Variants in CLVS1 observed in about 807,000 individuals in gnomAD.
The protein encoded by CLVS1 is clavesin 1, also known as clavesin-1.
In CLVS1, 10 loss-of-function variants were observed where a neutral mutation model predicts 33.1. That is an observed-to-expected ratio of 0.30 (90% CI 0.19 to 0.51). CLVS1 has a LOEUF of 0.51. CLVS1 is among the 20% of genes least tolerant of loss of function. The pLI, the probability that CLVS1 is intolerant of heterozygous loss-of-function variation, is 0.97. For missense variants in CLVS1, 343 were observed against 433.4 expected, an observed-to-expected ratio of 0.79 and a Z score of 1.85; for synonymous variants, 163 against 166.1, an observed-to-expected ratio of 0.98 and a Z score of 0.14.
the CLVS1 span, among the ~76,000 whole-genome samples, chr8:60,991,936 CG>C: frequency 6.6e-6 from 1 of 151,900 alleles, no homozygotes; most frequent in African/African-American, 2.4e-5. Context: ...TAAGTAGAGA[CG>C]GGGTTTCACC....
intron 2 of CLVS1, among the ~76,000 whole-genome samples, chr8:61,373,559 T>C (rs1813522676): frequency 6.6e-6 from 1 of 152,010 alleles, no homozygotes; most frequent in East Asian, 1.9e-4. Flanking sequence ...GTTAAAGGAG[T>C]AAAATGAGAT....
chr8:60,994,403 G>C, the CLVS1 span, among the ~76,000 whole-genome samples: 3 of 152,178 alleles, frequency 2.0e-5, no homozygotes, highest in Non-Finnish European at 4.4e-5. Context: ...ACCAGAAACT[G>C]TATGTTAAAA....
intron 2 of CLVS1, among the ~76,000 whole-genome samples, chr8:61,162,861 C>A (rs1806779240): frequency 6.6e-6 from 1 of 152,162 alleles, no homozygotes; most frequent in African/African-American, 2.4e-5. Flanking sequence ...TGAAAACACT[C>A]TCTCTGCTTG....
At chr8:61,343,670 G>A (rs1812104514) in intron 2 of CLVS1, among the ~76,000 whole-genome samples, 1 of 152,146 alleles carries the variant, frequency 6.6e-6, no homozygotes, top group East Asian at 1.9e-4. Flanking sequence ...GCTCAGGACT[G>A]GGTCTTGGAG....
At chr8:61,413,840 G>T (rs941219666) in intron 3 of CLVS1, among the ~76,000 whole-genome samples, 2 of 152,210 alleles carry the variant, frequency 1.3e-5, no homozygotes, top group Non-Finnish European at 2.9e-5. Flanking sequence ...ATACGTTCAA[G>T]GTACTGCCAC....
At chr8:61,386,594 T>C (rs181425155) in intron 3 of CLVS1, among the ~76,000 whole-genome samples, 1 of 152,328 alleles carries the variant, frequency 6.6e-6, no homozygotes, top group African/African-American at 2.4e-5. Flanking sequence ...GATGTGGGAA[T>C]TTCTAGCTCA....
intron 1 of CLVS1, among the ~76,000 whole-genome samples, chr8:61,079,430 ATATT>A (rs1804982563): frequency 6.6e-6 from 1 of 152,190 alleles, no homozygotes; most frequent in Non-Finnish European, 1.5e-5. Flanking sequence ...GAAGTTATTG[ATATT>A]TCCTAACTGA....
chr8:61,478,506 T>C (rs1345451177), intron 5 of CLVS1, among the ~76,000 whole-genome samples: 1 of 152,242 alleles, frequency 6.6e-6, no homozygotes, highest in Non-Finnish European at 1.5e-5. Context: ...TGCTCCTGTA[T>C]TGGGTACATA....
intron 1 of CLVS1, among the ~76,000 whole-genome samples, chr8:61,104,478 A>G (rs1398505050): frequency 6.6e-6 from 1 of 152,240 alleles, no homozygotes; most frequent in Non-Finnish European, 1.5e-5. Flanking sequence ...AAGTAGGAGA[A>G]AAATTCACCC....
At chr8:61,486,393 G>A (rs1803884817) in intron 5 of CLVS1, among the ~76,000 whole-genome samples, 1 of 152,182 alleles carries the variant, frequency 6.6e-6, no homozygotes, top group South Asian at 2.1e-4. Flanking sequence ...CATCTAGTTA[G>A]TCTTTGGTGT....
intron 2 of CLVS1, among the ~76,000 whole-genome samples, chr8:61,242,549 G>A (rs1453538690): frequency 2.6e-5 from 4 of 152,070 alleles, no homozygotes; most frequent in Admixed American, 2.6e-4. Context: ...TAGCACTCTG[G>A]AAGGCCGAGG....
intron 1 of CLVS1, among the ~76,000 whole-genome samples, chr8:61,126,260 C>G (rs903281678): frequency 6.6e-6 from 1 of 152,186 alleles, no homozygotes; most frequent in Non-Finnish European, 1.5e-5. Context: ...CCACCCAGCT[C>G]TCACCCCATC....
the CLVS1 span, among the ~76,000 whole-genome samples, chr8:61,019,275 G>A: frequency 2.6e-5 from 4 of 152,286 alleles, no homozygotes; most frequent in South Asian, 8.3e-4. Flanking sequence ...TGTGTTCCTG[G>A]CTGAACGAAC....
At chr8:61,366,427 C>A (rs1277421794) in intron 2 of CLVS1, among the ~76,000 whole-genome samples, 1 of 152,232 alleles carries the variant, frequency 6.6e-6, no homozygotes, top group African/African-American at 2.4e-5. Flanking sequence ...CTCTCCTAAA[C>A]CAGAATCAAA....
At chr8:61,324,949 G>A (rs1452066523) in intron 2 of CLVS1, among the ~76,000 whole-genome samples, 2 of 152,092 alleles carry the variant, frequency 1.3e-5, no homozygotes, top group African/African-American at 4.8e-5. Context: ...ATTGCAATAG[G>A]CACTTCTGCT....
At chr8:61,096,618 A>G (rs932198873) in intron 1 of CLVS1, among the ~76,000 whole-genome samples, 3 of 152,192 alleles carry the variant, frequency 2.0e-5, no homozygotes, top group South Asian at 2.1e-4. Flanking sequence ...TAATGCAAAC[A>G]CTTCAGACTT....
At chr8:61,040,343 A>G in the CLVS1 span, among the ~76,000 whole-genome samples, 48 of 152,206 alleles carry the variant, frequency 3.2e-4, no homozygotes, top group Non-Finnish European at 5.9e-4. Context: ...TCCTTTGGGC[A>G]TATACCCAGT....
chr8:60,972,585 G>A, the CLVS1 span, among the ~76,000 whole-genome samples: 3 of 152,106 alleles, frequency 2.0e-5, no homozygotes, highest in Non-Finnish European at 4.4e-5. Context: ...CATTATTATT[G>A]TAGACCTAAG....
chr8:61,040,536 G>T, the CLVS1 span, among the ~76,000 whole-genome samples: 1 of 152,198 alleles, frequency 6.6e-6, no homozygotes, highest in South Asian at 2.1e-4. Context: ...CATTCTGACT[G>T]GTGTGAGATG....
Sources: allele counts gnomAD v4.1 joint callset (sites outside exome capture counted in the v4.1 genomes callset), GRCh38; gene constraint gnomAD v4.1.1; transcripts MANE v1.5; gene names NCBI Gene and HGNC (gene_info 2026-07-23, HGNC 2026-07-21).